Variants in PKP2 observed in about 807,000 individuals in gnomAD.
PKP2 encodes the protein plakophilin-2.
PKP2 carries 73 observed loss-of-function variants against 83.4 expected under a neutral mutation model. That is an observed-to-expected ratio of 0.88 (90% CI 0.72 to 1.06). PKP2 has a LOEUF of 1.06. PKP2 is among the 50% of genes least tolerant of loss of function. PKP2 has a pLI of 0.00. For synonymous variants in PKP2, 409 were observed against 430.4 expected (o/e 0.95, Z 0.62); for missense variants, 966 against 1,065.4 (o/e 0.91, Z 1.30).
At position 32,862,047 on chromosome 12, in the gene PKP2, G is replaced by A. The variant is rs371218908; in HGVS notation, c.1170+6880C>T. Among the ~76,000 whole-genome samples, 47 of 152,094 alleles carry A rather than the reference G, an allele frequency of 3.1e-4. No individual in the cohort carries two copies. The East Asian group carries it at 8.0e-3, about 26-fold the overall frequency. ...TAAGTAGCTGGGATTACAGGCACCC[G>A]CCACCACACCTGGCTAATTTTGTAT... On this transcript the variant is annotated intron_variant, in intron 4 of 12. Coordinates refer to ENST00000340811, the MANE Select transcript of PKP2 (RefSeq NM_001005242.3).
At chr12:32,811,042 A>G (rs1352058702) in intron 9 of PKP2, among the ~76,000 whole-genome samples, 3 of 152,216 alleles carry the variant, frequency 2.0e-5, no homozygotes, top group African/African-American at 7.2e-5. Flanking sequence ...TTGTCATGTA[A>G]TAACAAAATC....
intron 9 of PKP2, among the ~76,000 whole-genome samples, chr12:32,819,425 T>G (rs1956355114): frequency 6.6e-6 from 1 of 152,162 alleles, no homozygotes; most frequent in South Asian, 2.1e-4. Context: ...CTAACAACCT[T>G]GGGTATGAAT....
chr12:32,835,433 C>G (rs1956536567), intron 6 of PKP2, among the ~76,000 whole-genome samples: 1 of 151,636 alleles, frequency 6.6e-6, no homozygotes, highest in African/African-American at 2.4e-5. Flanking sequence ...AATCTGATAA[C>G]TGCAATACAT....
At chr12:32,850,414 CA>C (rs1956685257) in intron 5 of PKP2, among the ~76,000 whole-genome samples, 1 of 151,870 alleles carries the variant, frequency 6.6e-6, no homozygotes, top group Non-Finnish European at 1.5e-5. Context: ...ACTAAAAATA[CA>C]AAAATTAGCC....
intron 1 of PKP2, among the ~76,000 whole-genome samples, chr12:32,890,952 CAA>C (rs56900611): frequency 7.8e-4 from 55 of 70,282 alleles, no homozygotes; most frequent in African/African-American, 1.8e-3. Flanking sequence ...AAGAGCGAAA[CAA>C]AAAAAAAAAA....
chr12:32,821,666 A>T, intron 8 of PKP2, 137 bp from the exon 9 acceptor site: 1 of 751,274 alleles, frequency 1.3e-6, no homozygotes, highest in East Asian at 2.7e-5. Context: ...TAGAAATTTT[A>T]AAAGCAAATA....
At chr12:32,825,689 G>GC (rs1445407775) in intron 6 of PKP2, among the ~76,000 whole-genome samples, 1 of 152,140 alleles carries the variant, frequency 6.6e-6, no homozygotes, top group Admixed American at 6.5e-5. Flanking sequence ...GACTGCTTGA[G>GC]CCCAGGAGTT....
chr12:32,802,382 T>G (rs1278571463), intron 10 of PKP2, 21 bp downstream of exon 10: 1 of 1,610,296 alleles, frequency 6.2e-7, no homozygotes. Flanking sequence ...ATATTACACA[T>G]AGATACTTAT....
intron 2 of PKP2, 79 bp from the exon 3 acceptor site, chr12:32,878,622 A>G (rs1333143922): frequency 2.6e-5 from 29 of 1,102,210 alleles, no homozygotes; most frequent in Non-Finnish European, 3.7e-5. Context: ...CTCTGGGACT[A>G]TTACCCAACA....
chr12:32,821,149 G>C, intron 9 of PKP2: 1 of 570,206 alleles, frequency 1.8e-6, no homozygotes, highest in Non-Finnish European at 3.1e-6. Flanking sequence ...ATCTGTAACT[G>C]AAAGAGTACT....
chr12:32,874,879 C>G (rs1956919949), intron 3 of PKP2, among the ~76,000 whole-genome samples: 1 of 151,954 alleles, frequency 6.6e-6, no homozygotes, highest in African/African-American at 2.4e-5. Context: ...TAGCTGGGAC[C>G]ACAGGTGGGC....
chr12:32,892,314 AC>A (rs1309375279), intron 1 of PKP2, among the ~76,000 whole-genome samples: 9 of 142,168 alleles, frequency 6.3e-5, no homozygotes, highest in African/African-American at 2.0e-4. Context: ...TCCAGAATTC[AC>A]TTTTTTTTTT....
At chr12:32,792,561 C>G (rs7956824) in intron 12 of PKP2, 69 bp from the exon 13 acceptor site, 3 of 1,549,480 alleles carry the variant, frequency 1.9e-6, no homozygotes, top group Non-Finnish European at 2.7e-6. Flanking sequence ...AGTTTTTTAG[C>G]GATTTCTTCC....
At chr12:32,792,522 G>T in intron 12 of PKP2, 30 bp from the exon 13 acceptor site, 1 of 1,602,058 alleles carries the variant, frequency 6.2e-7, no homozygotes, top group South Asian at 1.1e-5. Context: ...AAACGTGAAA[G>T]GTAACAAAAC....
intron 9 of PKP2, among the ~76,000 whole-genome samples, chr12:32,816,264 T>A (rs933191310): frequency 6.6e-6 from 1 of 152,138 alleles, no homozygotes; most frequent in African/African-American, 2.4e-5. Context: ...GTCCCCAGTG[T>A]CTATTGTTGC....
intron 5 of PKP2, among the ~76,000 whole-genome samples, chr12:32,842,064 T>C (rs750022732): frequency 1.2e-4 from 19 of 152,206 alleles, no homozygotes; most frequent in Non-Finnish European, 2.5e-4. Context: ...GTATATACTG[T>C]GACATACAGA....
intron 9 of PKP2, among the ~76,000 whole-genome samples, chr12:32,803,116 T>C (rs12580216): frequency 0.2 from 30,758 of 151,472 alleles, 3,868 homozygotes; most frequent in East Asian, 0.57. Context: ...ACACCTGTAA[T>C]CCCAGCACTT....
chr12:32,827,195 G>A (rs1956450608), intron 6 of PKP2, among the ~76,000 whole-genome samples: 1 of 152,176 alleles, frequency 6.6e-6, no homozygotes, highest in Non-Finnish European at 1.5e-5. Context: ...TGGCAGTACT[G>A]CCAGTTCACA....
chr12:32,867,778 G>C (rs1291000931), intron 4 of PKP2, among the ~76,000 whole-genome samples: 1 of 152,228 alleles, frequency 6.6e-6, no homozygotes, highest in Admixed American at 6.5e-5. Context: ...GTTTGTGTGT[G>C]AGAGAGATTG....
Sources: gnomAD v4.1 joint callset for allele counts (sites outside exome capture counted in the v4.1 genomes callset) on GRCh38, gnomAD v4.1.1 for gene constraint, MANE v1.5 for transcripts, NCBI Gene and HGNC (gene_info 2026-07-23, HGNC 2026-07-21) for gene names.